Variants in ARHGEF1 observed in about 807,000 individuals in gnomAD.
The protein encoded by ARHGEF1 is 115 kDa guanine nucleotide exchange factor.
ARHGEF1 carries 40 observed loss-of-function variants against 119.7 expected under a neutral mutation model. The ratio of observed to expected loss-of-function variants is 0.33; its 90% CI spans 0.26 to 0.44. The LOEUF (loss-of-function observed/expected upper bound fraction) is 0.44, where lower values mean the gene tolerates loss of function less well. ARHGEF1 is among the 20% of genes least tolerant of loss of function. The pLI, the probability that ARHGEF1 is intolerant of heterozygous loss-of-function variation, is 1.00. For missense variants in ARHGEF1, 976 were observed against 1,268.3 expected, an observed-to-expected ratio of 0.77 and a Z score of 3.50; for synonymous variants, 494 against 521.0, an observed-to-expected ratio of 0.95 and a Z score of 0.71.
rs539054643 is a variant in ARHGEF1, at chr19:41,888,500, C to T, written c.111+222C>T. 1.3e-5 allele frequency among the ~76,000 whole-genome samples: 2 copies of T among 152,260 alleles called. No homozygotes were observed. Among genetic ancestry groups the T allele is most frequent in the African/African-American group, 4.8e-5 (2 of 41,548 alleles). On this transcript the variant is annotated intron_variant, in intron 3 of 28. Transcript: ENST00000354532. This position sits in a 1 kb window ranked among gnomAD's most constrained non-coding sequence, Gnocchi z 5.1. ...TTTCTTATCGTTGCTCTCTCCTCCC[C>T]CAGCATGGACCCCAATTTCTTCTCT... is the stretch of plus-strand genomic sequence containing the variant.
rs2145859575 is a variant in ARHGEF1 at position 41,904,399 on chromosome 19, G to A, written c.2161+16G>A. 1 of 1,547,332 alleles carries A rather than the reference G, an allele frequency of 6.5e-7. No individual in the cohort carries two copies. The highest frequency in any genetic ancestry group is 2.4e-5 in the East Asian group (1 of 41,592). On this transcript the variant is annotated intron_variant, in intron 22 of 28. Transcript: ENST00000354532. The surrounding 1 kb of genome is among the most constrained non-coding windows in gnomAD (Gnocchi z 8.4). ...GTGGCCACCGGTGAGTGCAGCCACT[G>A]CATGGCCCAGGGCAGAGGGTGTCTT...
chr19:41,884,510 C>A, intron 1 of ARHGEF1: 1 of 1,606,264 alleles, frequency 6.2e-7, no homozygotes. Context: ...GACGCGGTCC[C>A]CAGCGGGTGT....
At chr19:41,915,331 G>A (rs1375992704) in intron 18 of ARHGEF1, among the ~76,000 whole-genome samples, 8 of 151,176 alleles carry the variant, frequency 5.3e-5, no homozygotes, top group Middle Eastern at 3.2e-3. Flanking sequence ...CCCAGCCTTC[G>A]TCCTGTGTCA....
chr19:41,905,078 C>T lies in ARHGEF1; in HGVS notation c.2249+42C>T. ...GTTCTGAGTGTGGGTGGAGGACGCC[C>T]AGGTTTCTGGGTTCCCAGGGACAGG... is the stretch of plus-strand genomic sequence containing the variant. On this transcript the variant is annotated intron_variant, in intron 23 of 28. Transcript: ENST00000354532. This position sits in a 1 kb window ranked among gnomAD's most constrained non-coding sequence, Gnocchi z 6.4. 1 of 1,612,402 alleles carries T rather than the reference C, an allele frequency of 6.2e-7. No homozygotes were observed.
intron 14 of ARHGEF1, 147 bp downstream of exon 14, chr19:41,898,734 G>A: frequency 9.0e-7 from 1 of 1,109,394 alleles, no homozygotes; most frequent in Non-Finnish European, 1.2e-6. Context: ...CTTGTTCCAA[G>A]TTCAGATTGT....
At chr19:41,928,305 G>C (rs2074884053) in intron 1 of ARHGEF1, 1 of 152,590 alleles carries the variant, frequency 6.6e-6, no homozygotes, top group Admixed American at 6.5e-5. Flanking sequence ...GATGCAGAGA[G>C]GGAGAGAGAC....
Position 41,904,021 on chromosome 19 carries a change from C to CGGT in ARHGEF1, c.1918-14_1918-13insGGT, listed in dbSNP as rs1568823849. The stretch of plus-strand genomic sequence containing the variant: ...CTGCCAACCTGCACAAACCATCACC[C>CGGT]CCTCCTGCCCCAGAACCTGGACATC... On this transcript the variant is annotated splice_polypyrimidine_tract_variant and intron_variant, in intron 20 of 28. Coordinates refer to ENST00000354532, the MANE Select transcript of ARHGEF1 (RefSeq NM_004706.4). This position sits in a 1 kb window ranked among gnomAD's most constrained non-coding sequence, Gnocchi z 8.4. The CGGT allele has an allele frequency of 2.5e-6, 4 of 1,613,724 alleles. No homozygotes were observed. In the Admixed American group the frequency reaches 6.7e-5, roughly 27 times the overall value.
chr19:41,894,357 G>C, intron 9 of ARHGEF1, 51 bp downstream of exon 9: 1 of 1,516,234 alleles, frequency 6.6e-7, no homozygotes, highest in Non-Finnish European at 8.9e-7. Flanking sequence ...GAGACGCCCT[G>C]GGAGCCTCAT....
intron 28 of ARHGEF1, 59 bp from the exon 29 acceptor site, chr19:41,907,046 T>G (rs1350601525): frequency 7.1e-7 from 1 of 1,408,770 alleles, no homozygotes; most frequent in African/African-American, 1.4e-5. Context: ...TCTGTGTCTG[T>G]CTCTCCCTGT....
upstream of ARHGEF1, among the ~76,000 whole-genome samples, chr19:41,921,056 C>T (rs971241691): frequency 3.3e-5 from 5 of 152,116 alleles, no homozygotes; most frequent in African/African-American, 9.7e-5. The surrounding 1 kb of genome is among the most constrained non-coding windows in gnomAD (Gnocchi z 4.4). Context: ...TGAGGGGTGG[C>T]GAGGGAGCGT....
At chr19:41,912,626 A>G (rs1193449678) in intron 18 of ARHGEF1, among the ~76,000 whole-genome samples, 1 of 152,128 alleles carries the variant, frequency 6.6e-6, no homozygotes, top group Non-Finnish European at 1.5e-5. Flanking sequence ...GTACCCTCCC[A>G]GAAGACCCAC....
chr19:41,904,207 G>T lies in ARHGEF1; in HGVS notation c.1994-9G>T, dbSNP rs942562667. ...GGGGCACGCCGTGTGAGCACTGCTC[G>T]CCCCGTAGAGGTGCATGTGCTGCTG... On this transcript the variant is annotated splice_polypyrimidine_tract_variant and intron_variant, in intron 21 of 28. Coordinates refer to ENST00000354532, the MANE Select transcript of ARHGEF1 (RefSeq NM_004706.4). The surrounding 1 kb of genome is among the most constrained non-coding windows in gnomAD (Gnocchi z 8.4). The T allele has an allele frequency of 6.2e-7, 1 of 1,613,246 alleles. No homozygotes were observed. The highest frequency in any genetic ancestry group is 1.1e-5 in the South Asian group (1 of 91,030).
upstream of ARHGEF1, among the ~76,000 whole-genome samples, chr19:41,922,092 G>GT (rs2074845597): frequency 6.6e-6 from 1 of 152,140 alleles, no homozygotes. Flanking sequence ...TGCTGGAGGG[G>GT]CGGGGGCAGA....
chr19:41,898,270 T>C (rs782355644), intron 13 of ARHGEF1, 172 bp from the exon 14 acceptor site: 35 of 1,312,200 alleles, frequency 2.7e-5, no homozygotes, highest in Admixed American at 5.5e-5. Flanking sequence ...AGAATGCTTC[T>C]AGAGATCTGG....
intron 18 of ARHGEF1, among the ~76,000 whole-genome samples, chr19:41,915,089 C>T (rs1479441080): frequency 8.2e-6 from 1 of 122,422 alleles, no homozygotes. Context: ...TCTCCCACCT[C>T]CCGCTCTCTT....
chr19:41,893,930 G>C (rs535771830), intron 8 of ARHGEF1, among the ~76,000 whole-genome samples: 1 of 144,908 alleles, frequency 6.9e-6, no homozygotes, highest in Non-Finnish European at 1.5e-5. Context: ...AGGGAGGAGG[G>C]GGCTGGGGGC....
Position 41,892,931 on chromosome 19 carries a change from T to A in ARHGEF1, c.614+82T>A. ...GCTACCTCTGGCATGTTCCATCCCG[T>A]TTGCAGGTTCCCTCTTCAGGGTCAG... On this transcript the variant is annotated intron_variant, in intron 7 of 28. Transcript: ENST00000354532. The surrounding 1 kb of genome is among the most constrained non-coding windows in gnomAD (Gnocchi z 6.3). 1.4e-6 allele frequency: 2 copies of A among 1,426,400 alleles called. No individual in the cohort carries two copies. The highest frequency in any genetic ancestry group is 3.0e-5 in the South Asian group (2 of 67,090). 88.4% of individuals were successfully genotyped at this position (1,426,400 alleles called of 1,614,324 possible). A position where few individuals can be genotyped will look rare whatever the true frequency, so the allele number is the denominator to read the frequency against.
intron 9 of ARHGEF1, 33 bp downstream of exon 9, chr19:41,894,339 C>T (rs370278424): frequency 6.6e-7 from 1 of 1,520,642 alleles, no homozygotes. Context: ...CTGACCCTTT[C>T]CTCTCCAGAG....
downstream of ARHGEF1, chr19:41,907,487 A>AC: frequency 1.5e-6 from 2 of 1,375,144 alleles, no homozygotes; most frequent in Non-Finnish European, 1.9e-6. Flanking sequence ...GGGGCCTGGC[A>AC]TGGCGTCTGG....
Sources: allele counts gnomAD v4.1 joint callset (sites outside exome capture counted in the v4.1 genomes callset), GRCh38; gene constraint gnomAD v4.1.1; non-coding constraint Gnocchi (gnomAD v3.1); transcripts MANE v1.5; gene names NCBI Gene and HGNC (gene_info 2026-07-23, HGNC 2026-07-21).